Variants in NSG2 observed in about 807,000 individuals in gnomAD.
NSG2 encodes the protein neuronal vesicle trafficking-associated protein 2.
A neutral mutation model predicts 16.9 loss-of-function variants in NSG2; 4 were observed. The ratio of observed to expected loss-of-function variants is 0.24; its 90% confidence interval spans 0.12 to 0.54. The LOEUF (loss-of-function observed/expected upper bound fraction) is 0.54, where lower values mean the gene tolerates loss of function less well. NSG2 is among the 20% of genes least tolerant of loss of function. NSG2 has a pLI of 0.95. For missense variants in NSG2, 179 were observed against 221.1 expected (o/e 0.81, Z 1.21); for synonymous variants, 98 against 88.7 (o/e 1.11, Z -0.59).
At chr5:174,097,322 CAT>C (rs773044700) in intron 3 of NSG2, among the ~76,000 whole-genome samples, 5 of 151,924 alleles carry the variant, frequency 3.3e-5, no homozygotes, top group African/African-American at 7.3e-5. Context: ...TTGTTGGGCA[CAT>C]GTGTGGGGTG....
chr5:174,047,756 G>A (rs1282881663), intron 2 of NSG2, among the ~76,000 whole-genome samples: 1 of 152,174 alleles, frequency 6.6e-6, no homozygotes, highest in Non-Finnish European at 1.5e-5. Context: ...GTGGGATGGG[G>A]GTTATGGACA....
chr5:174,069,899 A>G (rs1188441513), intron 3 of NSG2, among the ~76,000 whole-genome samples: 1 of 132,376 alleles, frequency 7.6e-6, no homozygotes, highest in Admixed American at 7.8e-5. Flanking sequence ...TTTTTTTGAG[A>G]CAAGGTCTTA....
Position 174,051,507 on chromosome 5 carries a change from A to G in NSG2, c.129+4623A>G, listed in dbSNP as rs1206210666. On this transcript the variant is annotated intron_variant, in intron 2 of 4. Coordinates refer to ENST00000303177, the MANE Select transcript of NSG2 (RefSeq NM_015980.5). ...GATAAGTATAGCTGTAGTTGTACCT[A>G]TTCATTCATTCGTCGTCCATCTATC... Among the ~76,000 whole-genome samples the G allele has an allele frequency of 5.8e-4, 88 of 152,248 alleles. 3 individuals are homozygous for G. Among genetic ancestry groups the G allele is most frequent in the Non-Finnish European group, 1.5e-4 (10 of 68,024 alleles).
chr5:174,074,845 C>G (rs1435761322), intron 3 of NSG2, among the ~76,000 whole-genome samples: 1 of 151,936 alleles, frequency 6.6e-6, no homozygotes, highest in African/African-American at 2.4e-5. Context: ...GAGCTCATCT[C>G]CCCTGGAACT....
intron 3 of NSG2, among the ~76,000 whole-genome samples, chr5:174,077,134 C>G (rs191820827): frequency 5.3e-5 from 8 of 152,148 alleles, no homozygotes; most frequent in African/African-American, 1.9e-4. Context: ...CCTAAACAGA[C>G]CCAATATGAT....
intron 2 of NSG2, among the ~76,000 whole-genome samples, chr5:174,057,482 A>G (rs1313485959): frequency 6.8e-6 from 1 of 147,024 alleles, no homozygotes; most frequent in African/African-American, 2.7e-5. Context: ...CTCCACAGGA[A>G]CAAAACACTA....
intron 3 of NSG2, among the ~76,000 whole-genome samples, chr5:174,090,307 G>A (rs1760701713): frequency 6.6e-6 from 1 of 152,208 alleles, no homozygotes; most frequent in Admixed American, 6.5e-5. Flanking sequence ...TCTCCCAGTG[G>A]AGTCATGGAG....
chr5:174,098,802 G>A (rs1760852843), intron 3 of NSG2, among the ~76,000 whole-genome samples: 1 of 152,176 alleles, frequency 6.6e-6, no homozygotes, highest in African/African-American at 2.4e-5. Context: ...GTGAGTGGAT[G>A]AGGGGAGACG....
intron 3 of NSG2, 44 bp from the exon 4 acceptor site, chr5:174,104,184 G>T: frequency 7.1e-7 from 1 of 1,408,102 alleles, no homozygotes; most frequent in Non-Finnish European, 1.0e-6. Flanking sequence ...GGGACTGAAG[G>T]TGGGCAGACT....
chr5:174,089,567 T>C (rs55669726), intron 3 of NSG2, among the ~76,000 whole-genome samples: 22,926 of 151,948 alleles, frequency 0.15, 2,208 homozygotes, highest in African/African-American at 0.26. Flanking sequence ...AAGAATAAGA[T>C]CCCTACCCTC....
At chr5:174,054,559 G>T (rs1457592978) in intron 2 of NSG2, among the ~76,000 whole-genome samples, 2 of 152,116 alleles carry the variant, frequency 1.3e-5, no homozygotes, top group Admixed American at 6.6e-5. Flanking sequence ...GATTTTTAAA[G>T]ACTTTTAATA....
intron 3 of NSG2, among the ~76,000 whole-genome samples, chr5:174,093,389 T>TA (rs988352895): frequency 6.6e-6 from 1 of 152,228 alleles, no homozygotes; most frequent in Non-Finnish European, 1.5e-5. Context: ...CAGTGTCACC[T>TA]ACCTTTCAGA....
At chr5:174,098,552 G>A (rs958499393) in intron 3 of NSG2, among the ~76,000 whole-genome samples, 1 of 152,134 alleles carries the variant, frequency 6.6e-6, no homozygotes, top group Non-Finnish European at 1.5e-5. Context: ...GCTCTGGCCC[G>A]GGGTTGCCTG....
chr5:174,101,458 C>T (rs912776257), intron 3 of NSG2, among the ~76,000 whole-genome samples: 1 of 152,186 alleles, frequency 6.6e-6, no homozygotes, highest in Admixed American at 6.5e-5. Context: ...ATTCCCCATT[C>T]CCCCAGACCC....
chr5:174,067,864 C>T (rs1020697741), intron 3 of NSG2, among the ~76,000 whole-genome samples: 1 of 152,000 alleles, frequency 6.6e-6, no homozygotes, highest in African/African-American at 2.4e-5. Context: ...TTGGGGGACT[C>T]TTTGGTGTTT....
chr5:174,056,610 G>A (rs1581218258), intron 2 of NSG2: 1 of 152,218 alleles, frequency 6.6e-6, no homozygotes, highest in Non-Finnish European at 1.5e-5. Context: ...AGGGCACCTG[G>A]CACCGTGCCT....
rs1760269333 is a variant in NSG2, at chr5:174,072,984, A to AATG, written c.213+8670_213+8671insTGA. 7.0e-6 allele frequency among the ~76,000 whole-genome samples: 1 copy of AATG among 142,734 alleles called. No homozygotes were observed. The highest frequency in any genetic ancestry group is 2.1e-4 in the South Asian group (1 of 4,754). The allele number at this position is 142,734 out of a possible 152,430, so 93.6% of individuals were successfully genotyped here. ...GGGTAACAGAGTGAGATCCTGTCTC[A>AATG]AATGAATGAATGAATGAATGAATGC... On this transcript the variant is annotated intron_variant, in intron 3 of 4. Transcript: ENST00000303177. The surrounding 1 kb of genome is among the most constrained non-coding windows in gnomAD (Gnocchi z 4.0).
chr5:174,054,093 T>G (rs1232572731), intron 2 of NSG2, among the ~76,000 whole-genome samples: 7 of 152,230 alleles, frequency 4.6e-5, no homozygotes, highest in Non-Finnish European at 1.0e-4. Context: ...GCAGAGGTTT[T>G]GAGAATGAGG....
chr5:174,066,807 G>A (rs1052347440), intron 3 of NSG2, among the ~76,000 whole-genome samples: 8 of 151,580 alleles, frequency 5.3e-5, no homozygotes, highest in Non-Finnish European at 8.8e-5. Flanking sequence ...CGGCTAAAAC[G>A]GTGAAACCCC....
Sources: allele counts gnomAD v4.1 joint callset (sites outside exome capture counted in the v4.1 genomes callset), GRCh38; gene constraint gnomAD v4.1.1; non-coding constraint Gnocchi (gnomAD v3.1); transcripts MANE v1.5; gene names NCBI Gene and HGNC (gene_info 2026-07-23, HGNC 2026-07-21).